Variants in DCDC2 observed in about 807,000 individuals in gnomAD.
The protein encoded by DCDC2 is doublecortin domain-containing protein 2.
DCDC2 carries 40 observed loss-of-function variants against 50.2 expected under a neutral mutation model. That is an observed-to-expected ratio of 0.80 (90% CI 0.62 to 1.04). DCDC2 has a LOEUF of 1.04. DCDC2 is among the 50% of genes least tolerant of loss of function. The pLI is 0.00. For synonymous variants in DCDC2, 234 were observed against 210.6 expected, an observed-to-expected ratio of 1.11 and a Z score of -0.96; for missense variants, 570 against 581.9, an observed-to-expected ratio of 0.98 and a Z score of 0.21.
intron 4 of DCDC2, among the ~76,000 whole-genome samples, chr6:24,299,725 C>A (rs1581639451): frequency 6.6e-6 from 1 of 150,916 alleles, no homozygotes; most frequent in East Asian, 2.0e-4. Context: ...ACTAGCCTGG[C>A]CAACATGGTG....
At chr6:24,320,173 C>T (rs1759746170) in intron 2 of DCDC2, among the ~76,000 whole-genome samples, 2 of 152,158 alleles carry the variant, frequency 1.3e-5, no homozygotes, top group African/African-American at 4.8e-5. Flanking sequence ...TAAACCAATA[C>T]ATAAATGTAA....
At chr6:24,210,932 C>T (rs951535054) in intron 7 of DCDC2, among the ~76,000 whole-genome samples, 8 of 152,186 alleles carry the variant, frequency 5.3e-5, no homozygotes, top group East Asian at 3.8e-4. Flanking sequence ...TCTCTCCTGC[C>T]TCATGGCTTT....
chr6:24,357,568 G>T lies in DCDC2; in HGVS notation c.183C>A (p.Ala61=). 3 of 1,613,328 alleles carry T rather than the reference G, an allele frequency of 1.9e-6. No homozygotes were observed. The highest frequency in any genetic ancestry group is 2.5e-6 in the Non-Finnish European group (3 of 1,179,974). Residue 61 remains alanine (A), a synonymous_variant, in exon 1 of 10, where the codon GCC becomes GCA. Transcript: ENST00000378454. The part of the protein sequence containing the change: ...VTGGVQAPFG[A]VRNIYTPRTG... The stretch of plus-strand genomic sequence containing the variant: ...TCCGCGGGGTGTAGATGTTCCTGAC[G>T]GCCCCAAAGGGTGCCTGAACGCCGC...
At chr6:24,322,692 A>C (rs1759793764) in intron 2 of DCDC2, among the ~76,000 whole-genome samples, 1 of 151,922 alleles carries the variant, frequency 6.6e-6, no homozygotes, top group African/African-American at 2.4e-5. Flanking sequence ...CTTTGGACAA[A>C]CTCAACCAAT....
At chr6:24,367,416 TG>T in the DCDC2 span, among the ~76,000 whole-genome samples, 933 of 152,312 alleles carry the variant, frequency 6.1e-3, 14 homozygotes, top group African/African-American at 0.02. Flanking sequence ...ATAAATGTAA[TG>T]GTGAATAAGA....
In DCDC2 at chr6:24,190,028, A is replaced by C. The variant is rs556303454; in HGVS notation, c.1024-11396T>G. Reference sequence around the variant, plus strand: ...ATCAGTTTCAATTTTTTATGATGGCAAAGTACCACTTCTTGCTTTCAGCTT... The same window carrying C: ...ATCAGTTTCAATTTTTTATGATGGCCAAGTACCACTTCTTGCTTTCAGCTT... On this transcript the variant is annotated intron_variant, in intron 8 of 9. Transcript: ENST00000378454. 5.9e-5 allele frequency among the ~76,000 whole-genome samples: 9 copies of C among 152,152 alleles called. No individual in the cohort carries two copies. The East Asian group carries it at 1.5e-3, about 26-fold the overall frequency.
At chr6:24,230,470 C>A (rs796835260) in intron 7 of DCDC2, among the ~76,000 whole-genome samples, 66 of 151,940 alleles carry the variant, frequency 4.3e-4, no homozygotes, top group African/African-American at 1.6e-3. Context: ...AGTGAGACCC[C>A]GCCACTACAA....
At chr6:24,335,199 A>T (rs1760034842) in intron 2 of DCDC2, among the ~76,000 whole-genome samples, 1 of 152,140 alleles carries the variant, frequency 6.6e-6, no homozygotes, top group Non-Finnish European at 1.5e-5. Context: ...CTACAATAAT[A>T]TCACAAGTAA....
intron 7 of DCDC2, among the ~76,000 whole-genome samples, chr6:24,231,905 GC>G (rs1441606326): frequency 2.6e-5 from 4 of 151,626 alleles, no homozygotes; most frequent in Admixed American, 2.0e-4. Flanking sequence ...TAGCTCTCAG[GC>G]AGAGAGAAAT....
chr6:24,353,371 T>G, intron 2 of DCDC2, 198 bp downstream of exon 2: 3 of 651,602 alleles, frequency 4.6e-6, no homozygotes. Flanking sequence ...CCTGCACATC[T>G]TAGAACATCT....
In DCDC2 at chr6:24,172,406, T is replaced by C. The variant is rs1163666190; in HGVS notation, c.*2324A>G. The C allele has an allele frequency of 6.6e-6, 1 of 152,194 alleles. No homozygotes were observed. The highest frequency in any genetic ancestry group is 1.5e-5 in the Non-Finnish European group (1 of 68,038). 9.4% of individuals were successfully genotyped at this position (152,194 alleles called of 1,614,324 possible). On this transcript the variant is annotated 3_prime_UTR_variant, in exon 10 of 10. Coordinates refer to ENST00000378454, the MANE Select transcript of DCDC2 (RefSeq NM_016356.5). ...TGGCTTATTACCCCCTTGAAGTATATTTAAAATACCAAACGTTATTATTCA... is the reference window on the plus strand; with the variant it reads ...TGGCTTATTACCCCCTTGAAGTATACTTAAAATACCAAACGTTATTATTCA...
chr6:24,185,720 C>T (rs1223975200), intron 8 of DCDC2, among the ~76,000 whole-genome samples: 7 of 130,692 alleles, frequency 5.4e-5, no homozygotes, highest in Non-Finnish European at 8.3e-5. Flanking sequence ...CACACACACA[C>T]ACACACATAT....
chr6:24,248,506 A>G (rs998901515), intron 7 of DCDC2, among the ~76,000 whole-genome samples: 1 of 152,062 alleles, frequency 6.6e-6, no homozygotes, highest in Non-Finnish European at 1.5e-5. Flanking sequence ...TAGTATTAGT[A>G]TTGGTAGTAT....
At chr6:24,201,736 C>T (rs909502007) in intron 8 of DCDC2, among the ~76,000 whole-genome samples, 1 of 151,976 alleles carries the variant, frequency 6.6e-6, no homozygotes, top group Non-Finnish European at 1.5e-5. Context: ...AAAAGATTAA[C>T]AAAATAGACC....
At chr6:24,341,949 C>CACACACAT (rs768678270) in intron 2 of DCDC2, among the ~76,000 whole-genome samples, 1 of 19,102 alleles carries the variant, frequency 5.2e-5, no homozygotes, top group African/African-American at 8.0e-5. Flanking sequence ...TGCACGCGTA[C>CACACACAT]ACACACACAC....
At chr6:24,380,375 C>G in the DCDC2 span, among the ~76,000 whole-genome samples, 1 of 152,114 alleles carries the variant, frequency 6.6e-6, no homozygotes, top group African/African-American at 2.4e-5. Flanking sequence ...TAGTTATGCC[C>G]ATTTACTTCC....
intron 2 of DCDC2, among the ~76,000 whole-genome samples, chr6:24,351,194 T>C (rs1211452433): frequency 2.0e-5 from 3 of 152,220 alleles, no homozygotes; most frequent in African/African-American, 7.2e-5. Flanking sequence ...CCTTTCTTTC[T>C]GGCAATGAAA....
chr6:24,325,700 C>T (rs1170875583), intron 2 of DCDC2, among the ~76,000 whole-genome samples: 1 of 149,346 alleles, frequency 6.7e-6, no homozygotes, highest in Non-Finnish European at 1.5e-5. Flanking sequence ...AGAGAAAATC[C>T]AGAACATTCT....
chr6:24,245,695 C>A lies in DCDC2; in HGVS notation c.922+32354G>T, dbSNP rs192188953. ...ATTTACATATGATGTGCAGACACAA[C>A]AAAGAGAATTAGCATTTAGAGAACA... On this transcript the variant is annotated intron_variant, in intron 7 of 9. Transcript: ENST00000378454. Among the ~76,000 whole-genome samples the A allele has an allele frequency of 8.9e-4, 135 of 152,142 alleles. 1 individual carries two copies. The highest frequency in any genetic ancestry group is 3.2e-3 in the African/African-American group (132 of 41,516).
Sources: gnomAD v4.1 joint callset for allele counts (sites outside exome capture counted in the v4.1 genomes callset) on GRCh38, gnomAD v4.1.1 for gene constraint, MANE v1.5 for transcripts, NCBI Gene and HGNC (gene_info 2026-07-23, HGNC 2026-07-21) for gene names.